SFTPC: variants seen among roughly 807,000 people sequenced by gnomAD.
The protein encoded by SFTPC is BRICHOS domain containing 6.
Under a neutral mutation model 19.9 loss-of-function variants are expected in SFTPC, and 12 were observed. The observed-to-expected ratio is 0.60, with a 90% CI of 0.39 to 0.98. The LOEUF is 0.98. Among genes scored for constraint, SFTPC ranks in the 50% least tolerant of loss-of-function variants. The pLI is 0.00. For missense variants in SFTPC, 219 were observed against 252.2 expected, an observed-to-expected ratio of 0.87 and a Z score of 0.89; for synonymous variants, 123 against 103.3, an observed-to-expected ratio of 1.19 and a Z score of -1.16.
chr8:22,163,065 A>C lies in SFTPC; in HGVS notation c.202-15A>C. The C allele has an allele frequency of 6.2e-7, 1 of 1,613,942 alleles. No individual in the cohort carries two copies. The highest frequency in any genetic ancestry group is 8.5e-7 in the Non-Finnish European group (1 of 1,179,924). On this transcript the variant is annotated splice_polypyrimidine_tract_variant and intron_variant, in intron 2 of 5. Coordinates refer to ENST00000679463, the MANE Select transcript of SFTPC (RefSeq NM_001317778.2). ...GGAAAGGGGAAGACCAGGTGGCTCCATGCCCTTTCCCCAGGTTCTGGAGAT... is the reference window on the plus strand; with the variant it reads ...GGAAAGGGGAAGACCAGGTGGCTCCCTGCCCTTTCCCCAGGTTCTGGAGAT...
At chr8:22,164,244 T>G in intron 5 of SFTPC, 22 bp from the exon 6 acceptor site, 1 of 1,536,142 alleles carries the variant, frequency 6.5e-7, no homozygotes, top group Middle Eastern at 1.7e-4. Flanking sequence ...CTGTCCATCC[T>G]CAACATTCCT....
upstream of SFTPC, chr8:22,161,703 G>A: frequency 1.9e-6 from 3 of 1,608,728 alleles, no homozygotes; most frequent in Non-Finnish European, 2.5e-6. Context: ...AGGCTTCAAA[G>A]CCAAGGGCTT....
At chr8:22,159,630 C>T (rs1286271179), upstream of SFTPC, 1 of 473,782 alleles carries the variant, frequency 2.1e-6, no homozygotes, top group South Asian at 1.6e-5. Context: ...CTAAGGGCAA[C>T]AGGCAGGGGA....
upstream of SFTPC, among the ~76,000 whole-genome samples, chr8:22,158,195 T>A (rs1429959117): frequency 6.6e-6 from 1 of 152,210 alleles, no homozygotes; most frequent in Non-Finnish European, 1.5e-5. Flanking sequence ...TCCCCAGCTG[T>A]CCCCAGACTC....
upstream of SFTPC, chr8:22,157,825 A>T (rs1563214705): frequency 6.6e-6 from 1 of 152,186 alleles, no homozygotes; most frequent in Non-Finnish European, 1.5e-5. Flanking sequence ...GCTTTGTAAA[A>T]TCGTTTTTCC....
Position 22,164,332 on chromosome 8 carries a change from C to A in SFTPC, c.*85C>A. 6.5e-7 allele frequency: 1 copy of A among 1,536,140 alleles called. No homozygotes were observed. Among genetic ancestry groups the A allele is most frequent in the Non-Finnish European group, 8.7e-7 (1 of 1,146,902 alleles). On this transcript the variant is annotated 3_prime_UTR_variant, in exon 6 of 6. Coordinates refer to ENST00000679463, the MANE Select transcript of SFTPC (RefSeq NM_001317778.2). ...AAGGGTCTTTTGCAGCTTTTGCAGA[C>A]GGGCAAGAAGCTGCTTCTGCCCACA...
At chr8:22,162,966 G>C in intron 2 of SFTPC, 114 bp from the exon 3 acceptor site, 3 of 1,506,952 alleles carry the variant, frequency 2.0e-6, no homozygotes, top group Non-Finnish European at 2.7e-6. Flanking sequence ...CAGCCTCCCT[G>C]AACTCTTGGG....
chr8:22,164,140 C>G (rs1404384183), intron 5 of SFTPC, 81 bp downstream of exon 5: 17 of 1,577,736 alleles, frequency 1.1e-5, no homozygotes, highest in Non-Finnish European at 1.4e-5. Context: ...CTCGCGCTGA[C>G]CAGGCGCTGG....
chr8:22,160,132 C>G (rs984415311), upstream of SFTPC, among the ~76,000 whole-genome samples: 1 of 152,236 alleles, frequency 6.6e-6, no homozygotes, highest in Non-Finnish European at 1.5e-5. Flanking sequence ...GGAGCAAACA[C>G]TTCCCTCCCT....
At chr8:22,160,640 G>A (rs902575641), upstream of SFTPC, among the ~76,000 whole-genome samples, 2 of 148,390 alleles carry the variant, frequency 1.3e-5, no homozygotes, top group Admixed American at 6.7e-5. Context: ...CAAAACAAAA[G>A]GATAGGAGGT....
Position 22,161,909 on chromosome 8 carries a change from G to A in SFTPC, c.42+39G>A, listed in dbSNP as rs149756879. 1,370 of 1,565,718 alleles carry A rather than the reference G, an allele frequency of 8.7e-4. 21 individuals carry two copies. The East Asian group carries it at 0.027, about 31-fold the overall frequency. On this transcript the variant is annotated intron_variant, in intron 1 of 5. Transcript: ENST00000679463. The stretch of plus-strand genomic sequence containing the variant: ...CGTGTGTGTATGTATGTGTGCGCGC[G>A]CACATGTGTGTGATGGGCCCTGCCT...
chr8:22,160,528 C>T (rs934287671), upstream of SFTPC, among the ~76,000 whole-genome samples: 1 of 152,124 alleles, frequency 6.6e-6, no homozygotes, highest in Non-Finnish European at 1.5e-5. Context: ...TGAGGATCAC[C>T]GGAGTCCAGG....
At chr8:22,159,820 C>CT (rs1222871141), upstream of SFTPC, 1 of 1,289,360 alleles carries the variant, frequency 7.8e-7, no homozygotes, top group Non-Finnish European at 1.0e-6. Flanking sequence ...GGCTCTCCCG[C>CT]TGGCCAGCTG....
At chr8:22,161,560 G>A (rs1179930690), upstream of SFTPC, 13 of 907,528 alleles carry the variant, frequency 1.4e-5, no homozygotes, top group Non-Finnish European at 1.8e-5. Flanking sequence ...GATGGCCCGA[G>A]GGCAAGTTTG....
upstream of SFTPC, among the ~76,000 whole-genome samples, chr8:22,160,409 G>A (rs6557857): frequency 0.67 from 102,069 of 152,056 alleles, 34,824 homozygotes; most frequent in African/African-American, 0.82. Flanking sequence ...CCAGGAGTTC[G>A]AGACCAGCCT....
upstream of SFTPC, chr8:22,158,577 C>G (rs1396897945): frequency 1.3e-5 from 2 of 152,234 alleles, no homozygotes; most frequent in Non-Finnish European, 2.9e-5. Flanking sequence ...GGGCTGTGTT[C>G]TTAGCTAGTG....
upstream of SFTPC, chr8:22,157,823 A>C (rs1827557594): frequency 6.6e-6 from 1 of 152,190 alleles, no homozygotes; most frequent in African/African-American, 2.4e-5. Context: ...TTGCTTTGTA[A>C]AATCGTTTTT....
At chr8:22,158,308 C>T (rs2131803136), upstream of SFTPC, among the ~76,000 whole-genome samples, 2 of 152,340 alleles carry the variant, frequency 1.3e-5, no homozygotes, top group South Asian at 4.1e-4. Flanking sequence ...TAGCCGCCCT[C>T]CCCATGCCAG....
At chr8:22,161,584 G>A, upstream of SFTPC, 2 of 1,241,494 alleles carry the variant, frequency 1.6e-6, no homozygotes, top group Non-Finnish European at 2.2e-6. Flanking sequence ...AACTCACCCA[G>A]GTTTGCTCTT....
Sources: gnomAD v4.1 joint callset for allele counts (sites outside exome capture counted in the v4.1 genomes callset) on GRCh38, gnomAD v4.1.1 for gene constraint, MANE v1.5 for transcripts, NCBI Gene and HGNC (gene_info 2026-07-23, HGNC 2026-07-21) for gene names.